PVR: variants seen among roughly 807,000 people sequenced by gnomAD.
The protein encoded by PVR is poliovirus receptor.
PVR carries 39 observed loss-of-function variants against 43.3 expected under a neutral mutation model. That is an observed-to-expected ratio of 0.90 (90% CI 0.70 to 1.18). The LOEUF is 1.18. PVR is among the 50% of genes most tolerant of loss of function. The pLI, the probability that PVR is intolerant of heterozygous loss-of-function variation, is 0.00. For missense variants in PVR, 480 were observed against 549.7 expected, an observed-to-expected ratio of 0.87 and a Z score of 1.27; for synonymous variants, 224 against 233.2, an observed-to-expected ratio of 0.96 and a Z score of 0.36.
intron 3 of PVR, 140 bp downstream of exon 3, chr19:44,650,245 C>G: frequency 1.3e-6 from 1 of 760,896 alleles, no homozygotes; most frequent in Non-Finnish European, 2.0e-6. Context: ...CACGACCCAC[C>G]CCCATTGTCT....
rs1237973258 is a variant in PVR, at chr19:44,654,009, T to C, written c.834T>C (p.Asn278=). Residue 278 remains asparagine (N), a synonymous_variant, in exon 4 of 8, where the codon AAT becomes AAC. Transcript: ENST00000425690. The part of the protein sequence containing the change: ...ARSNPEPTGY[N]WSTTMGPLPP... ...GCAACCCAGAGCCCACAGGCTATAATTGGAGCACGTGAGTCCTGGGTCTCA... is the reference window on the plus strand; with the variant it reads ...GCAACCCAGAGCCCACAGGCTATAACTGGAGCACGTGAGTCCTGGGTCTCA... 3.1e-6 allele frequency: 5 copies of C among 1,612,346 alleles called. No homozygotes were observed. The highest frequency in any genetic ancestry group is 1.1e-5 in the South Asian group (1 of 91,070).
chr19:44,660,720 C>T lies in PVR; in HGVS notation c.1151-572C>T, dbSNP rs1234793054. Among the ~76,000 whole-genome samples the T allele has an allele frequency of 2.6e-5, 4 of 151,820 alleles. No individual in the cohort carries two copies. In the East Asian group the frequency reaches 5.8e-4, roughly 22 times the overall value. On this transcript the variant is annotated intron_variant, in intron 6 of 7. Transcript: ENST00000425690. ...TATATTTTTAGTAGAGATGGAGTTTCGTTGTGTTGCCCAAGCTGGTCTCAA... is the reference window on the plus strand; with the variant it reads ...TATATTTTTAGTAGAGATGGAGTTTTGTTGTGTTGCCCAAGCTGGTCTCAA...
intron 4 of PVR, among the ~76,000 whole-genome samples, chr19:44,654,902 T>G (rs563807520): frequency 6.6e-6 from 1 of 152,232 alleles, no homozygotes; most frequent in South Asian, 2.1e-4. Flanking sequence ...GTAACCTACT[T>G]GGTTATCTCT....
At chr19:44,657,733 C>T (rs368863997) in intron 4 of PVR, 29 bp from the exon 5 acceptor site, 4 of 1,612,762 alleles carry the variant, frequency 2.5e-6, no homozygotes, top group African/African-American at 1.3e-5. Context: ...GCAGCAGAGG[C>T]CACCTCCTCA....
chr19:44,645,137 T>TTATA (rs1973057510), intron 1 of PVR, among the ~76,000 whole-genome samples: 2 of 55,404 alleles, frequency 3.6e-5, no homozygotes, highest in African/African-American at 2.7e-4. Context: ...TAATATATTA[T>TTATA]ATATATTATT....
chr19:44,660,033 G>C (rs1341367670), intron 6 of PVR, among the ~76,000 whole-genome samples: 1 of 152,144 alleles, frequency 6.6e-6, no homozygotes, highest in African/African-American at 2.4e-5. Context: ...TGACCCCCAA[G>C]CATGAGCCAA....
At chr19:44,652,112 C>T (rs550676823) in intron 3 of PVR, among the ~76,000 whole-genome samples, 17 of 152,296 alleles carry the variant, frequency 1.1e-4, no homozygotes, top group African/African-American at 3.9e-4. Context: ...AGCGAGATTA[C>T]GCCATTGCAC....
chr19:44,655,382 C>T lies in PVR; in HGVS notation c.842+1365C>T, dbSNP rs147210017. Among the ~76,000 whole-genome samples the T allele has an allele frequency of 5.1e-3, 784 of 152,332 alleles. 4 individuals are homozygous for T. The highest frequency in any genetic ancestry group is 0.018 in the African/African-American group (751 of 41,574). On this transcript the variant is annotated intron_variant, in intron 4 of 7. Transcript: ENST00000425690. ...GGGATTACAGGCGTGAGCCACCTCG[C>T]CCAGCCTTAGGTCTTTTTCCTTATT...
Position 44,657,915 on chromosome 19 carries a change from G to A in PVR, c.991+5G>A. The A allele has an allele frequency of 6.2e-7, 1 of 1,612,842 alleles. No homozygotes were observed. Among genetic ancestry groups the A allele is most frequent in the East Asian group, 2.2e-5 (1 of 44,828 alleles). Reference sequence around the variant, plus strand: ...AACTGACCGTCCAGGTCAAAGGTGAGGAACTCCCTGGGTGGGAAGAACAGG... The same window carrying A: ...AACTGACCGTCCAGGTCAAAGGTGAAGAACTCCCTGGGTGGGAAGAACAGG... On this transcript the variant is annotated splice_donor_5th_base_variant and intron_variant, in intron 5 of 7. Coordinates refer to ENST00000425690, the MANE Select transcript of PVR (RefSeq NM_006505.5).
chr19:44,653,942 A>G lies in PVR; in HGVS notation c.767A>G (p.Tyr256Cys). ...ATCTCTGGCTATGATAACAACTGGT[A>G]CCTTGGCCAGAATGAGGCCACCCTG... ...VSISGYDNNW[Y>C]LGQNEATLTC... The change falls in exon 4 of 8, where the codon TAC (tyrosine) becomes TGC (cysteine). Residue 256 changes from tyrosine (Y) to cysteine (C), a missense_variant. Physicochemically the swap from Tyr to Cys is radical, Grantham distance 194. Transcript: ENST00000425690. 6.2e-7 allele frequency: 1 copy of G among 1,614,148 alleles called. No homozygotes were observed. The highest frequency in any genetic ancestry group is 1.6e-4 in the Middle Eastern group (1 of 6,062).
chr19:44,654,427 C>G (rs981215038), intron 4 of PVR, among the ~76,000 whole-genome samples: 7 of 152,204 alleles, frequency 4.6e-5, no homozygotes, highest in Non-Finnish European at 8.8e-5. Flanking sequence ...CAGTGGGGGG[C>G]ATCTCTGTTT....
Position 44,665,005 on chromosome 19 carries a change from G to A in PVR, c.*3194G>A, listed in dbSNP as rs1185301749. ...TGTGCTGAGTTCTGTTCCCACCAGCGACGTAGGCGATGACCTTTTTCTGGA... is the reference window on the plus strand; with the variant it reads ...TGTGCTGAGTTCTGTTCCCACCAGCAACGTAGGCGATGACCTTTTTCTGGA... On this transcript the variant is annotated 3_prime_UTR_variant, in exon 8 of 8. Transcript: ENST00000425690. 6.6e-6 allele frequency: 1 copy of A among 152,148 alleles called. No individual in the cohort carries two copies. The highest frequency in any genetic ancestry group is 6.6e-5 in the Admixed American group (1 of 15,252). 9.4% of individuals were successfully genotyped at this position (152,148 alleles called of 1,614,324 possible).
At chr19:44,653,308 C>T (rs749687913) in intron 3 of PVR, among the ~76,000 whole-genome samples, 7 of 152,084 alleles carry the variant, frequency 4.6e-5, no homozygotes, top group Non-Finnish European at 7.3e-5. Flanking sequence ...GCTTACTCCC[C>T]GCCAGGCAAT....
At chr19:44,648,484 AC>A (rs1466499163) in intron 2 of PVR, among the ~76,000 whole-genome samples, 1 of 145,862 alleles carries the variant, frequency 6.9e-6, no homozygotes, top group Non-Finnish European at 1.5e-5. Context: ...AAAAAAACTG[AC>A]CCTTTTTTTT....
intron 4 of PVR, among the ~76,000 whole-genome samples, chr19:44,656,469 T>C (rs1383774249): frequency 6.6e-6 from 1 of 152,190 alleles, no homozygotes; most frequent in Non-Finnish European, 1.5e-5. Context: ...GATGCTTCCA[T>C]CTCCTCCACC....
At position 44,654,119 on chromosome 19, in the gene PVR, G is replaced by T. The variant is rs1599767646; in HGVS notation, c.842+102G>T. The T allele has an allele frequency of 4.0e-6, 4 of 995,026 alleles. No individual in the cohort carries two copies. In the African/African-American group the frequency reaches 6.5e-5, roughly 16 times the overall value. 61.6% of individuals were successfully genotyped at this position (995,026 alleles called of 1,614,324 possible). A position where few individuals can be genotyped will look rare whatever the true frequency, so the allele number is the denominator to read the frequency against. On this transcript the variant is annotated intron_variant, in intron 4 of 7. Coordinates refer to ENST00000425690, the MANE Select transcript of PVR (RefSeq NM_006505.5). The stretch of plus-strand genomic sequence containing the variant: ...GACTCCTGGGACTGAGGGAGAAGGG[G>T]CTGGGGGCCCGGACCCCTGGGTCTG...
Position 44,649,893 on chromosome 19 carries a change from G to A in PVR, c.512G>A (p.Gly171Asp), listed in dbSNP as rs769074258. ...ATGGCCCGCTGCGTCTCCACAGGGG[G>A]TCGCCCGCCAGCCCAAATCACCTGG... Reference protein sequence around the residue: ...VPMARCVSTGGRPPAQITWHS... With the variant: ...VPMARCVSTGDRPPAQITWHS... Residue 171 changes from glycine (G) to aspartate (D), a missense_variant, in exon 3 of 8, where the codon GGT (glycine) becomes GAT (aspartate). Transcript: ENST00000425690. The A allele has an allele frequency of 1.1e-5, 17 of 1,613,806 alleles. No individual in the cohort carries two copies. The East Asian group carries it at 1.3e-4, about 13-fold the overall frequency.
intron 3 of PVR, 54 bp from the exon 4 acceptor site, chr19:44,653,846 C>T: frequency 7.9e-7 from 1 of 1,267,616 alleles, no homozygotes; most frequent in Non-Finnish European, 1.2e-6. Context: ...CCCGCGTAGC[C>T]CCAGGCCCCC....
chr19:44,647,830 G>C lies in PVR; in HGVS notation c.427+260G>C, dbSNP rs1973173657. Among the ~76,000 whole-genome samples the C allele has an allele frequency of 2.0e-5, 3 of 152,082 alleles. No homozygotes were observed. The South Asian group carries it at 6.2e-4, about 32-fold the overall frequency. ...AAGCCTGGGATCAGAAAGCCCTGAG[G>C]GAGGAGGAGGGGTATATTGGAAAGG... On this transcript the variant is annotated intron_variant, in intron 2 of 7. Coordinates refer to ENST00000425690, the MANE Select transcript of PVR (RefSeq NM_006505.5).
Sources: allele counts gnomAD v4.1 joint callset (sites outside exome capture counted in the v4.1 genomes callset), GRCh38; gene constraint gnomAD v4.1.1; transcripts MANE v1.5; gene names NCBI Gene and HGNC (gene_info 2026-07-23, HGNC 2026-07-21).